MATN3: variants seen among roughly 807,000 people sequenced by gnomAD.
MATN3 encodes matrilin 3, also known as matrilin-3.
MATN3 carries 48 observed loss-of-function variants against 45.3 expected under a neutral mutation model. The observed-to-expected ratio is 1.06, with a 90% CI of 0.84 to 1.35. The LOEUF (loss-of-function observed/expected upper bound fraction) is 1.35. MATN3 is among the 40% of genes most tolerant of loss of function. The pLI is 0.00. For synonymous variants in MATN3, 217 were observed against 245.9 expected (o/e 0.88, Z 1.10); for missense variants, 599 against 628.0 (o/e 0.95, Z 0.49).
intron 1 of MATN3, among the ~76,000 whole-genome samples, chr2:20,010,964 A>G (rs1295290644): frequency 6.6e-6 from 1 of 152,258 alleles, no homozygotes; most frequent in Non-Finnish European, 1.5e-5. Flanking sequence ...CATTTACTAA[A>G]TAGCAGCAAT....
At chr2:20,003,057 T>G in intron 3 of MATN3, 104 bp downstream of exon 3, 1 of 1,358,062 alleles carries the variant, frequency 7.4e-7, no homozygotes, top group Non-Finnish European at 1.0e-6. Flanking sequence ...AAAAGGCAGT[T>G]AGGTAAAAAG....
chr2:20,002,177 C>CAT, intron 3 of MATN3, 97 bp from the exon 4 acceptor site: 1 of 891,716 alleles, frequency 1.1e-6, no homozygotes, highest in Non-Finnish European at 1.7e-6. Context: ...CACACACACA[C>CAT]ACACACACAC....
intron 1 of MATN3, among the ~76,000 whole-genome samples, chr2:20,010,761 C>T (rs1673207254): frequency 6.6e-6 from 1 of 152,212 alleles, no homozygotes; most frequent in African/African-American, 2.4e-5. Flanking sequence ...CAGGGTCAGA[C>T]TTCTGACCCA....
At chr2:20,002,877 T>C (rs538985272) in intron 3 of MATN3, among the ~76,000 whole-genome samples, 61 of 152,284 alleles carry the variant, frequency 4.0e-4, no homozygotes, top group East Asian at 1.4e-3. Flanking sequence ...GTGGGAATTA[T>C]AGGCATGAGC....
intron 2 of MATN3, 84 bp downstream of exon 2, chr2:20,005,660 A>G (rs1291557439): frequency 2.5e-6 from 3 of 1,180,218 alleles, no homozygotes; most frequent in Non-Finnish European, 2.3e-6. Context: ...TTTCCACCAA[A>G]AAAGAATAAT....
Position 19,992,308 on chromosome 2 carries a change from G to A in MATN3, c.*803C>T, listed in dbSNP as rs1672773247. 6.6e-6 allele frequency: 1 copy of A among 152,102 alleles called. No homozygotes were observed. Among genetic ancestry groups the A allele is most frequent in the South Asian group, 2.1e-4 (1 of 4,830 alleles). 9.4% of individuals were successfully genotyped at this position (152,102 alleles called of 1,614,324 possible). A position where few individuals can be genotyped will look rare whatever the true frequency, so the allele number is the denominator to read the frequency against. ...AATCCCAGCACTTTGGGAGGCTGAG[G>A]CAGGTGGATCACTAACATTAAAAAG... On this transcript the variant is annotated 3_prime_UTR_variant, in exon 8 of 8. Transcript: ENST00000407540.
In MATN3 at chr2:19,997,113, C is replaced by G. The variant is rs758404676; in HGVS notation, c.1294+21G>C. 20 of 1,611,382 alleles carry G rather than the reference C, an allele frequency of 1.2e-5. No individual in the cohort carries two copies. In the East Asian group the frequency reaches 2.7e-4, roughly 22 times the overall value. ...AAAATTTTCCTACCAAAGGAAATAGCCTTAAAGGGCTGATCCTCACCTGAA... is the reference window on the plus strand; with the variant it reads ...AAAATTTTCCTACCAAAGGAAATAGGCTTAAAGGGCTGATCCTCACCTGAA... On this transcript the variant is annotated intron_variant, in intron 6 of 7. Coordinates refer to ENST00000407540, the MANE Select transcript of MATN3 (RefSeq NM_002381.5).
At position 19,994,065 on chromosome 2, in the gene MATN3, A is replaced by G. The variant is rs55919320; in HGVS notation, c.1405+234T>C. On this transcript the variant is annotated intron_variant, in intron 7 of 7. Transcript: ENST00000407540. ...TCATTAGGAGCATATACAGTTATGG[A>G]AAAGCACTAGGGGACAAAATAGGCA... Among the ~76,000 whole-genome samples the G allele has an allele frequency of 0.099, 15,053 of 152,246 alleles. 820 individuals are homozygous for G. Among genetic ancestry groups the G allele is most frequent in the East Asian group, 0.23 (1,189 of 5,178 alleles).
At chr2:20,007,631 G>A (rs573950177) in intron 1 of MATN3, among the ~76,000 whole-genome samples, 1 of 152,314 alleles carries the variant, frequency 6.6e-6, no homozygotes, top group Non-Finnish European at 1.5e-5. Context: ...TTGTGATCTG[G>A]TATCTACCCT....
At chr2:19,996,345 A>T (rs79880601) in intron 6 of MATN3, among the ~76,000 whole-genome samples, 12,806 of 152,178 alleles carry the variant, frequency 0.084, 621 homozygotes, top group East Asian at 0.23. Context: ...GACCTAAAAT[A>T]AAATAAAATT....
chr2:20,004,561 A>G (rs564228075), intron 2 of MATN3, among the ~76,000 whole-genome samples: 7 of 152,348 alleles, frequency 4.6e-5, no homozygotes, highest in African/African-American at 1.4e-4. Context: ...TCTGACTGCA[A>G]TGAGGCCAAA....
rs548038643 is a variant in MATN3, at chr2:20,010,733, A to G, written c.223+1676T>C. 2.6e-4 allele frequency among the ~76,000 whole-genome samples: 39 copies of G among 152,360 alleles called. No individual in the cohort carries two copies. The South Asian group carries it at 6.0e-3, about 23-fold the overall frequency. ...GGAACACAGCCCTGCCGACACCTTC[A>G]TCTTAGCCCAGTGAGACCAGGGTCA... On this transcript the variant is annotated intron_variant, in intron 1 of 7. Coordinates refer to ENST00000407540, the MANE Select transcript of MATN3 (RefSeq NM_002381.5).
intron 2 of MATN3, 130 bp from the exon 3 acceptor site, chr2:20,003,416 G>A: frequency 2.2e-6 from 2 of 893,998 alleles, no homozygotes; most frequent in East Asian, 2.9e-5. Flanking sequence ...TAAAAAAATG[G>A]TTATTTGTTT....
At chr2:20,010,066 C>CAAA (rs1558376342) in intron 1 of MATN3, among the ~76,000 whole-genome samples, 69 of 5,544 alleles carry the variant, frequency 0.012, 2 homozygotes, top group African/African-American at 0.016. Flanking sequence ...TCTTCAAATA[C>CAAA]TAAAAAAAAA....
Position 19,997,198 on chromosome 2 carries a change from G to A in MATN3, c.1230C>T (p.Ala410=), listed in dbSNP as rs369897262. The A allele has an allele frequency of 2.0e-5, 33 of 1,613,768 alleles. No individual in the cohort carries two copies. The African/African-American group carries it at 3.9e-4, about 19-fold the overall frequency. Residue 410 remains alanine (A), a synonymous_variant, in exon 6 of 8, where the codon GCC becomes GCT. Coordinates refer to ENST00000407540, the MANE Select transcript of MATN3 (RefSeq NM_002381.5). ...GCQHICVSDG[A]ASYHCDCYPG... ...GATAGCAATCACAGTGGTAGGATGCGGCCCCATCACTCACACAAATGTGCT... is the reference window on the plus strand; with the variant it reads ...GATAGCAATCACAGTGGTAGGATGCAGCCCCATCACTCACACAAATGTGCT...
chr2:20,005,096 A>C (rs1023347733), intron 2 of MATN3, among the ~76,000 whole-genome samples: 1 of 152,200 alleles, frequency 6.6e-6, no homozygotes. Context: ...GAGTTAACAG[A>C]ATGATTTCTT....
chr2:20,007,806 T>C (rs1040192627), intron 1 of MATN3, among the ~76,000 whole-genome samples: 7 of 152,220 alleles, frequency 4.6e-5, no homozygotes, highest in African/African-American at 1.7e-4. Context: ...TACACAAAAG[T>C]ACCTAACAGT....
intron 1 of MATN3, among the ~76,000 whole-genome samples, chr2:20,011,128 G>A (rs1673212141): frequency 6.6e-6 from 1 of 152,222 alleles, no homozygotes; most frequent in South Asian, 2.1e-4. Context: ...GAACAGGGTG[G>A]AATCTCGCAT....
At position 20,000,499 on chromosome 2, in the gene MATN3, G is replaced by A; in HGVS notation, c.1110C>T (p.Ser370=). Residue 370 remains serine, a synonymous_variant, in exon 5 of 8, where the codon TCC becomes TCT. Coordinates refer to ENST00000407540, the MANE Select transcript of MATN3 (RefSeq NM_002381.5). The part of the protein sequence containing the change: ...QHICVNDRTG[S]HHCECYEGYT... ...AGCCCTCATAGCATTCACAATGATG[G>A]GACCCTGTTCTGTCATTCACACAAA... 1 of 1,612,490 alleles carries A rather than the reference G, an allele frequency of 6.2e-7. No individual in the cohort carries two copies. The highest frequency in any genetic ancestry group is 1.1e-5 in the South Asian group (1 of 90,772).
Sources: gnomAD v4.1 joint callset for allele counts (sites outside exome capture counted in the v4.1 genomes callset) on GRCh38, gnomAD v4.1.1 for gene constraint, MANE v1.5 for transcripts, NCBI Gene and HGNC (gene_info 2026-07-23, HGNC 2026-07-21) for gene names.